CTNNA3: variants seen among roughly 807,000 people sequenced by gnomAD.
The protein encoded by CTNNA3 is catenin alpha-3.
In CTNNA3, 76 loss-of-function variants were observed where a neutral mutation model predicts 95.7. That is an observed-to-expected ratio of 0.79 (90% CI 0.66 to 0.96). The LOEUF is 0.96. Ranked by LOEUF, CTNNA3 falls within the 40% of genes least tolerant of loss-of-function variation. The probability of loss-of-function intolerance (pLI) is 0.00; values close to 1 mark genes in which losing one functional copy is unlikely to be tolerated. For missense variants in CTNNA3, 1,191 were observed against 1,089.8 expected, an observed-to-expected ratio of 1.09 and a Z score of -1.31; for synonymous variants, 431 against 374.4, an observed-to-expected ratio of 1.15 and a Z score of -1.74.
intron 5 of CTNNA3, 55 bp downstream of exon 5, chr10:67,521,787 T>C: frequency 1.3e-6 from 2 of 1,575,568 alleles, no homozygotes; most frequent in Non-Finnish European, 1.7e-6. Flanking sequence ...ACAGGCAGGA[T>C]GGCAGGAAGC....
intron 1 of CTNNA3, among the ~76,000 whole-genome samples, chr10:67,679,094 G>A (rs1450727907): frequency 6.6e-6 from 1 of 152,166 alleles, no homozygotes; most frequent in Non-Finnish European, 1.5e-5. Context: ...AAACGAGAAA[G>A]GAGAAAAGAT....
At chr10:66,472,122 C>T (rs12250780) in intron 11 of CTNNA3, among the ~76,000 whole-genome samples, 9,405 of 152,018 alleles carry the variant, frequency 0.062, 605 homozygotes, top group African/African-American at 0.16. Flanking sequence ...GAATAAGATG[C>T]TAGCCTATAT....
chr10:66,123,261 C>T (rs2082663009), intron 13 of CTNNA3, among the ~76,000 whole-genome samples: 1 of 152,176 alleles, frequency 6.6e-6, no homozygotes, highest in African/African-American at 2.4e-5. Flanking sequence ...GAAGGGGCTA[C>T]AGGCACCATG....
intron 3 of CTNNA3, among the ~76,000 whole-genome samples, chr10:67,551,439 T>C (rs112798833): frequency 0.017 from 2,515 of 152,184 alleles, 74 homozygotes; most frequent in African/African-American, 0.055. Context: ...AAGCTTGAAC[T>C]CATTCTCCAA....
chr10:66,437,967 G>A (rs190561388), intron 11 of CTNNA3, among the ~76,000 whole-genome samples: 7 of 152,272 alleles, frequency 4.6e-5, no homozygotes, highest in Non-Finnish European at 8.8e-5. Flanking sequence ...TCTTCTGCAG[G>A]TCTGCTGGAG....
chr10:66,437,562 C>T (rs1232332794), intron 11 of CTNNA3, among the ~76,000 whole-genome samples: 2 of 152,032 alleles, frequency 1.3e-5, no homozygotes, highest in African/African-American at 4.8e-5. Context: ...CTTCTCTAAA[C>T]TGCTTATTCC....
intron 17 of CTNNA3, among the ~76,000 whole-genome samples, chr10:65,932,866 T>C (rs779528027): frequency 6.6e-6 from 1 of 152,110 alleles, no homozygotes; most frequent in African/African-American, 2.4e-5. Flanking sequence ...GCTTCTCTTG[T>C]CCTCCAGAAA....
chr10:66,425,130 T>C (rs1038696092), intron 11 of CTNNA3, among the ~76,000 whole-genome samples: 1 of 152,038 alleles, frequency 6.6e-6, no homozygotes, highest in Non-Finnish European at 1.5e-5. Flanking sequence ...CCTCTATAGA[T>C]GTTTTTGCCT....
intron 10 of CTNNA3, among the ~76,000 whole-genome samples, chr10:66,594,268 A>T (rs1843641095): frequency 6.6e-6 from 1 of 152,110 alleles, no homozygotes. Context: ...ACATTTTCTC[A>T]ATGTGACAAG....
intron 1 of CTNNA3, among the ~76,000 whole-genome samples, chr10:67,647,789 T>G (rs911127528): frequency 6.6e-6 from 1 of 152,108 alleles, no homozygotes; most frequent in African/African-American, 2.4e-5. Flanking sequence ...TCATCCGGGG[T>G]GGGTTTGTAT....
chr10:67,645,427 T>C (rs1839675249), intron 2 of CTNNA3, among the ~76,000 whole-genome samples: 1 of 152,190 alleles, frequency 6.6e-6, no homozygotes, highest in Admixed American at 6.6e-5. Flanking sequence ...TCCATTGTTA[T>C]AGAGCAAATA....
chr10:66,877,132 A>G (rs1014348260), intron 7 of CTNNA3, among the ~76,000 whole-genome samples: 2 of 152,072 alleles, frequency 1.3e-5, no homozygotes, highest in Non-Finnish European at 2.9e-5. Flanking sequence ...ATGGTTGGCC[A>G]GCTTGTTTTG....
intron 5 of CTNNA3, among the ~76,000 whole-genome samples, chr10:67,358,156 T>C (rs573689414): frequency 1.2e-4 from 18 of 152,218 alleles, no homozygotes; most frequent in African/African-American, 4.3e-4. Flanking sequence ...ACCTGTTAAA[T>C]TTTAGAGTTA....
At chr10:67,129,776 C>T (rs1859900716) in intron 7 of CTNNA3, among the ~76,000 whole-genome samples, 1 of 151,998 alleles carries the variant, frequency 6.6e-6, no homozygotes, top group Admixed American at 6.6e-5. Flanking sequence ...TGGTTGAGAC[C>T]TCACTCCATT....
intron 1 of CTNNA3, among the ~76,000 whole-genome samples, chr10:67,749,969 T>G (rs1841396162): frequency 6.6e-6 from 1 of 152,182 alleles, no homozygotes; most frequent in African/African-American, 2.4e-5. Context: ...TCTTTCACTC[T>G]TCACAATAAA....
At chr10:67,610,948 T>C (rs1843436217) in intron 2 of CTNNA3, among the ~76,000 whole-genome samples, 1 of 152,178 alleles carries the variant, frequency 6.6e-6, no homozygotes. Context: ...GCTTACTTTC[T>C]TTAGTCTGTA....
At chr10:67,404,857 G>C (rs1378919799) in intron 5 of CTNNA3, among the ~76,000 whole-genome samples, 1 of 152,174 alleles carries the variant, frequency 6.6e-6, no homozygotes, top group Non-Finnish European at 1.5e-5. Context: ...GACTAACAGT[G>C]GACCTCTCAG....
At chr10:67,300,337 T>C (rs1428364401) in intron 5 of CTNNA3, among the ~76,000 whole-genome samples, 1 of 152,182 alleles carries the variant, frequency 6.6e-6, no homozygotes, top group East Asian at 1.9e-4. Context: ...TCCTACTGGA[T>C]CAGGAAACTC....
chr10:67,509,260 TATAC>T (rs1220304995), intron 5 of CTNNA3, among the ~76,000 whole-genome samples: 1 of 151,906 alleles, frequency 6.6e-6, no homozygotes, highest in African/African-American at 2.4e-5. Flanking sequence ...GTTACATAGG[TATAC>T]ATGTGCCATG....
Sources: gnomAD v4.1 joint callset for allele counts (sites outside exome capture counted in the v4.1 genomes callset) on GRCh38, gnomAD v4.1.1 for gene constraint, MANE v1.5 for transcripts, NCBI Gene and HGNC (gene_info 2026-07-23, HGNC 2026-07-21) for gene names.